CPA3: variants seen among roughly 807,000 people sequenced by gnomAD.
The protein encoded by CPA3 is mast cell carboxypeptidase A.
In CPA3, 52 loss-of-function variants were observed where a neutral mutation model predicts 55.8. That is an observed-to-expected ratio of 0.93 (90% confidence interval 0.75 to 1.17). The LOEUF is 1.17. Ranked by LOEUF, CPA3 falls within the 50% of genes most tolerant of loss-of-function variation. CPA3 has a pLI of 0.00. For synonymous variants in CPA3, 179 were observed against 171.2 expected (o/e 1.05, Z -0.36); for missense variants, 547 against 509.1 (o/e 1.07, Z -0.72).
intron 5 of CPA3, 93 bp from the exon 6 acceptor site, chr3:148,879,695 T>G (rs1032465): frequency 0.58 from 466,003 of 807,678 alleles, 135,962 homozygotes; most frequent in East Asian, 0.61. Context: ...ACAGGGGAAA[T>G]AATTGCTTTG....
intron 3 of CPA3, among the ~76,000 whole-genome samples, chr3:148,871,628 T>A (rs1714069136): frequency 2.0e-5 from 3 of 152,216 alleles, no homozygotes; most frequent in African/African-American, 7.2e-5. Flanking sequence ...CTCAAATTAG[T>A]GTGTTTTTCA....
At chr3:148,870,380 A>T (rs897540671) in intron 3 of CPA3, among the ~76,000 whole-genome samples, 2 of 152,150 alleles carry the variant, frequency 1.3e-5, no homozygotes, top group African/African-American at 4.8e-5. Flanking sequence ...TATATTGCAG[A>T]GCAGGATTTA....
chr3:148,882,130 C>T (rs901032592), intron 7 of CPA3, among the ~76,000 whole-genome samples: 79 of 152,082 alleles, frequency 5.2e-4, no homozygotes, highest in African/African-American at 1.8e-3. Flanking sequence ...GCAAATAATG[C>T]TCCAACAGTA....
At chr3:148,887,304 C>G (rs1198327811) in intron 10 of CPA3, among the ~76,000 whole-genome samples, 1 of 152,156 alleles carries the variant, frequency 6.6e-6, no homozygotes, top group African/African-American at 2.4e-5. Context: ...GATTTGCCAA[C>G]TCCCATACTT....
At chr3:148,879,388 ATCT>A (rs1415882450) in intron 5 of CPA3, among the ~76,000 whole-genome samples, 1 of 152,262 alleles carries the variant, frequency 6.6e-6, no homozygotes, top group South Asian at 2.1e-4. Flanking sequence ...ACAACACAAG[ATCT>A]TCTCCATTCC....
At chr3:148,886,321 T>C (rs1468390742) in intron 10 of CPA3, 144 bp downstream of exon 10, 3 of 618,294 alleles carry the variant, frequency 4.9e-6, no homozygotes, top group Non-Finnish European at 8.4e-6. Context: ...TTCTGAATTA[T>C]ACGTGAATCT....
chr3:148,871,990 C>T (rs79577813), intron 3 of CPA3, among the ~76,000 whole-genome samples: 1,730 of 152,252 alleles, frequency 0.011, 17 homozygotes, highest in Middle Eastern at 0.024. Context: ...TGAATTAAAC[C>T]ATATTAAAAG....
At chr3:148,874,447 C>T (rs891563270) in intron 3 of CPA3, among the ~76,000 whole-genome samples, 6 of 152,134 alleles carry the variant, frequency 3.9e-5, no homozygotes, top group Non-Finnish European at 8.8e-5. Context: ...CTGTAATGAC[C>T]ACCCAAAATA....
chr3:148,881,484 T>G, intron 6 of CPA3, 38 bp from the exon 7 acceptor site: 2 of 1,312,200 alleles, frequency 1.5e-6, no homozygotes, highest in Non-Finnish European at 2.2e-6. Flanking sequence ...ATAGCTAAAC[T>G]TCATACCAAT....
Position 148,865,916 on chromosome 3 carries a change from T to C in CPA3, c.144+368T>C, listed in dbSNP as rs181891320. Among the ~76,000 whole-genome samples the C allele has an allele frequency of 2.4e-4, 36 of 152,332 alleles. 1 individual carries two copies. In the East Asian group the frequency reaches 6.2e-3, roughly 26 times the overall value. On this transcript the variant is annotated intron_variant, in intron 2 of 10. Coordinates refer to ENST00000296046, the MANE Select transcript of CPA3 (RefSeq NM_001870.4). ...ATCTCCTCTGGTGCCATAATTTCTC[T>C]TGAGTACTAACTGAAAACGTTGAGG...
chr3:148,882,537 C>T lies in CPA3; in HGVS notation c.720C>T (p.Asn240=), dbSNP rs755494551. The T allele has an allele frequency of 2.5e-6, 4 of 1,613,684 alleles. No homozygotes were observed. The highest frequency in any genetic ancestry group is 1.1e-5 in the South Asian group (1 of 91,048). ...NRMWRKNRSK[N]QNSKCIGTDL... ...TGTGGAGAAAAAATCGTTCCAAGAA[C>T]CAAAACTCCAAATGCATCGGCACTG... The change falls in exon 8 of 11, where the codon AAC becomes AAT. Residue 240 remains asparagine (N), a synonymous_variant. Coordinates refer to ENST00000296046, the MANE Select transcript of CPA3 (RefSeq NM_001870.4).
chr3:148,878,811 CT>C (rs1347819635), intron 5 of CPA3, 63 bp downstream of exon 5: 1 of 967,248 alleles, frequency 1.0e-6, no homozygotes, highest in African/African-American at 1.6e-5. Context: ...TTAAAAGTTA[CT>C]TTGTAACACA....
At position 148,869,017 on chromosome 3, in the gene CPA3, G is replaced by A. The variant is rs755054597; in HGVS notation, c.247G>A (p.Asp83Asn). 6 of 1,613,890 alleles carry A rather than the reference G, an allele frequency of 3.7e-6. No homozygotes were observed. The highest frequency in any genetic ancestry group is 2.5e-6 in the Non-Finnish European group (3 of 1,179,870). ...ATCCCAAGCCATCCAGTCTGCCTTG[G>A]ATCAAAATAAAATGCACTATGAGTA... The part of the protein sequence containing the change: ...KESQAIQSAL[D>N]QNKMHYEILI... The change falls in exon 3 of 11, where the codon GAT (aspartate) becomes AAT (asparagine). Residue 83 changes from aspartate (D) to asparagine (N), a missense_variant. Transcript: ENST00000296046.
intron 5 of CPA3, among the ~76,000 whole-genome samples, 196 bp from the exon 6 acceptor site, chr3:148,879,592 A>C (rs1714303527): frequency 3.3e-5 from 5 of 152,218 alleles, no homozygotes; most frequent in Admixed American, 2.0e-4. Flanking sequence ...ATGCATTGTA[A>C]TAGATTATGA....
At chr3:148,881,425 T>C in intron 6 of CPA3, 97 bp from the exon 7 acceptor site, 1 of 661,606 alleles carries the variant, frequency 1.5e-6, no homozygotes, top group Non-Finnish European at 2.7e-6. Flanking sequence ...ACATGTGACC[T>C]TGGGAAGTGA....
intron 6 of CPA3, among the ~76,000 whole-genome samples, chr3:148,880,401 G>C (rs908403382): frequency 6.7e-6 from 1 of 149,598 alleles, no homozygotes; most frequent in East Asian, 2.0e-4. Context: ...GTGCAATCTC[G>C]TCTCACTGCA....
intron 10 of CPA3, among the ~76,000 whole-genome samples, chr3:148,887,379 T>C (rs1388219610): frequency 6.6e-6 from 1 of 152,206 alleles, no homozygotes; most frequent in Non-Finnish European, 1.5e-5. Flanking sequence ...GCTTACCCCT[T>C]GATTTTCACA....
chr3:148,891,052 C>T (rs753080696), intron 10 of CPA3, among the ~76,000 whole-genome samples: 5 of 152,126 alleles, frequency 3.3e-5, no homozygotes, highest in Non-Finnish European at 7.4e-5. Flanking sequence ...GAAGACACCA[C>T]CTGGGCTTGA....
chr3:148,865,565 A>T lies in CPA3; in HGVS notation c.144+17A>T. 1 of 1,602,284 alleles carries T rather than the reference A, an allele frequency of 6.2e-7. No individual in the cohort carries two copies. The highest frequency in any genetic ancestry group is 8.5e-7 in the Non-Finnish European group (1 of 1,171,350). The stretch of plus-strand genomic sequence containing the variant: ...ACCAATGAGGTAAGCATTTAGAGGG[A>T]TATTTTATCTTTTCTTACTGTTCTC... On this transcript the variant is annotated intron_variant, in intron 2 of 10. Coordinates refer to ENST00000296046, the MANE Select transcript of CPA3 (RefSeq NM_001870.4).
Sources: allele counts gnomAD v4.1 joint callset (sites outside exome capture counted in the v4.1 genomes callset), GRCh38; gene constraint gnomAD v4.1.1; transcripts MANE v1.5; gene names NCBI Gene and HGNC (gene_info 2026-07-23, HGNC 2026-07-21).